Variants in EYA1 observed in about 807,000 individuals in gnomAD.
EYA1 encodes EYA transcriptional coactivator and phosphatase 1, also known as protein phosphatase EYA1.
EYA1 carries 16 observed loss-of-function variants against 82.0 expected under a neutral mutation model. The observed-to-expected ratio is 0.20, with a 90% CI of 0.13 to 0.30. The LOEUF is 0.30. EYA1 is among the 10% of genes least tolerant of loss of function. The pLI is 1.00. For missense variants in EYA1, 633 were observed against 730.7 expected, an observed-to-expected ratio of 0.87 and a Z score of 1.54; for synonymous variants, 261 against 264.4, an observed-to-expected ratio of 0.99 and a Z score of 0.12.
intron 1 of EYA1, among the ~76,000 whole-genome samples, chr8:71,541,636 T>G (rs1815144696): frequency 6.6e-6 from 1 of 152,228 alleles, no homozygotes; most frequent in African/African-American, 2.4e-5. Context: ...CAATTGATTA[T>G]GATTGATGGC....
chr8:71,375,210 C>G (rs1012948924), intron 2 of EYA1, among the ~76,000 whole-genome samples: 7 of 151,882 alleles, frequency 4.6e-5, no homozygotes, highest in Non-Finnish European at 8.8e-5. Context: ...TTGACTACAG[C>G]AATAATTTCA....
chr8:71,489,255 C>T (rs553899994), intron 2 of EYA1, among the ~76,000 whole-genome samples: 5 of 152,142 alleles, frequency 3.3e-5, no homozygotes, highest in African/African-American at 1.2e-4. Flanking sequence ...CTTTCTGGAA[C>T]ATTTATCTTT....
intron 1 of EYA1, among the ~76,000 whole-genome samples, chr8:71,357,756 A>C (rs981820134): frequency 1.3e-5 from 2 of 152,210 alleles, no homozygotes; most frequent in African/African-American, 4.8e-5. Context: ...TGTTACGTAA[A>C]ATTTCTAGGT....
intron 2 of EYA1, among the ~76,000 whole-genome samples, chr8:71,408,292 G>T (rs1454349829): frequency 2.6e-5 from 4 of 151,928 alleles, no homozygotes. Flanking sequence ...AGGCCATCGA[G>T]ACTAGGAAGA....
chr8:71,315,553 A>G (rs1301726951), intron 7 of EYA1, among the ~76,000 whole-genome samples: 1 of 152,172 alleles, frequency 6.6e-6, no homozygotes, highest in East Asian at 1.9e-4. Flanking sequence ...GGAATCTGCA[A>G]TTGCATAATT....
chr8:71,215,096 C>A (rs1180783841), intron 16 of EYA1, among the ~76,000 whole-genome samples: 2 of 151,900 alleles, frequency 1.3e-5, no homozygotes, highest in Admixed American at 1.3e-4. Context: ...GTTAATGTTG[C>A]CTAAAAGGAT....
At chr8:71,263,743 C>A (rs1301557505) in intron 11 of EYA1, among the ~76,000 whole-genome samples, 1 of 152,182 alleles carries the variant, frequency 6.6e-6, no homozygotes, top group African/African-American at 2.4e-5. Context: ...ATCTCTGACA[C>A]ACATTCTTCC....
chr8:71,538,437 GA>G (rs1228302638), intron 1 of EYA1, among the ~76,000 whole-genome samples: 4 of 152,208 alleles, frequency 2.6e-5, no homozygotes, highest in African/African-American at 9.6e-5. Flanking sequence ...CTCTGAGCTA[GA>G]ATTAAGTAGA....
chr8:71,444,674 G>A (rs1368069504), intron 2 of EYA1, among the ~76,000 whole-genome samples: 1 of 151,580 alleles, frequency 6.6e-6, no homozygotes, highest in Non-Finnish European at 1.5e-5. Flanking sequence ...CATACAGCAG[G>A]TATCTGATAT....
rs566192069 is a variant in EYA1 at position 71,440,431 on chromosome 8, G to A, written c.34-83920C>T. On this transcript the variant is annotated intron_variant, in intron 2 of 18. Coordinates refer to the EYA1 transcript ENST00000643681. ...AGACAAGAGGTGCAATCAAGAGGACGTTAGGAGGAAGTCTTTATATGACTT... is the reference window on the plus strand; with the variant it reads ...AGACAAGAGGTGCAATCAAGAGGACATTAGGAGGAAGTCTTTATATGACTT... Among the ~76,000 whole-genome samples, 32 of 152,254 alleles carry A rather than the reference G, an allele frequency of 2.1e-4. No homozygotes were observed. The South Asian group carries it at 2.5e-3, about 12-fold the overall frequency.
intron 1 of EYA1, among the ~76,000 whole-genome samples, chr8:71,542,483 T>C (rs1259755672): frequency 1.3e-5 from 2 of 152,236 alleles, no homozygotes; most frequent in African/African-American, 4.8e-5. Context: ...TTTATGTTGA[T>C]TTCATGTCTT....
At chr8:71,258,698 T>C (rs1311410216) in intron 11 of EYA1, among the ~76,000 whole-genome samples, 2 of 152,244 alleles carry the variant, frequency 1.3e-5, no homozygotes, top group Non-Finnish European at 2.9e-5. Flanking sequence ...CATTTTATTT[T>C]GTTGCCCATT....
chr8:71,211,581 T>C (rs2128836800), intron 16 of EYA1, among the ~76,000 whole-genome samples: 1 of 152,316 alleles, frequency 6.6e-6, no homozygotes, highest in Non-Finnish European at 1.5e-5. Context: ...TGTTTTGCAG[T>C]GGGACTTCTT....
intron 1 of EYA1, 93 bp from the exon 2 acceptor site, chr8:71,356,604 G>A: frequency 1.4e-6 from 2 of 1,450,928 alleles, no homozygotes; most frequent in Non-Finnish European, 1.8e-6. Flanking sequence ...GAACGACAAT[G>A]CTCTCTTTTA....
chr8:71,242,359 A>G (rs575868693), intron 12 of EYA1, among the ~76,000 whole-genome samples: 15 of 152,246 alleles, frequency 9.9e-5, no homozygotes, highest in African/African-American at 3.6e-4. Context: ...CATAAAATCA[A>G]CTTTTGTAAG....
intron 12 of EYA1, chr8:71,225,172 C>A (rs117235374): frequency 4.4e-6 from 2 of 455,292 alleles, no homozygotes; most frequent in East Asian, 7.0e-5. Context: ...CAGCATGATT[C>A]CATTGTGCTT....
At chr8:71,400,026 T>C (rs534444567) in intron 2 of EYA1, among the ~76,000 whole-genome samples, 1 of 151,880 alleles carries the variant, frequency 6.6e-6, no homozygotes, top group South Asian at 2.1e-4. Flanking sequence ...TCAACAAACC[T>C]GAGAAACAGC....
intron 2 of EYA1, among the ~76,000 whole-genome samples, chr8:71,458,832 A>G (rs909625323): frequency 6.6e-6 from 1 of 152,158 alleles, no homozygotes; most frequent in African/African-American, 2.4e-5. Context: ...TTAACGAGGC[A>G]ATTGGATTCT....
At chr8:71,392,705 G>A (rs1177168139) in intron 2 of EYA1, among the ~76,000 whole-genome samples, 3 of 151,946 alleles carry the variant, frequency 2.0e-5, no homozygotes, top group African/African-American at 7.3e-5. Flanking sequence ...AATCTTTTTT[G>A]TTCATACTTG....
Sources: allele counts gnomAD v4.1 joint callset (sites outside exome capture counted in the v4.1 genomes callset), GRCh38; gene constraint gnomAD v4.1.1; transcripts MANE v1.5; gene names NCBI Gene and HGNC (gene_info 2026-07-23, HGNC 2026-07-21).